ANKRD28: variants seen among roughly 807,000 people sequenced by gnomAD.
ANKRD28 encodes ankyrin repeat domain 28.
ANKRD28 carries 44 observed loss-of-function variants against 126.5 expected under a neutral mutation model. The observed-to-expected ratio is 0.35, with a 90% CI of 0.27 to 0.45. The LOEUF is 0.45. Ranked by LOEUF, ANKRD28 falls within the 20% of genes least tolerant of loss-of-function variation. The probability of loss-of-function intolerance (pLI) is 1.00; values close to 1 mark genes in which losing one functional copy is unlikely to be tolerated. For synonymous variants in ANKRD28, 442 were observed against 468.5 expected, an observed-to-expected ratio of 0.94 and a Z score of 0.73; for missense variants, 1,110 against 1,316.6, an observed-to-expected ratio of 0.84 and a Z score of 2.43.
At chr3:15,792,192 C>T (rs1273585868) in intron 2 of ANKRD28, among the ~76,000 whole-genome samples, 6 of 152,106 alleles carry the variant, frequency 3.9e-5, no homozygotes, top group Non-Finnish European at 8.8e-5. Context: ...ATAGAGCTAC[C>T]ATATGATCGA....
chr3:15,695,730 T>C (rs1441006680), intron 15 of ANKRD28, among the ~76,000 whole-genome samples: 3 of 152,084 alleles, frequency 2.0e-5, no homozygotes, highest in African/African-American at 4.8e-5. Context: ...GAGTCTCCCT[T>C]GTTAGGAGGG....
At chr3:15,731,302 A>T (rs2074577008) in intron 6 of ANKRD28, among the ~76,000 whole-genome samples, 1 of 149,610 alleles carries the variant, frequency 6.7e-6, no homozygotes, top group South Asian at 2.1e-4. Flanking sequence ...CTTCAGTTGT[A>T]TGAAAACAGT....
intron 24 of ANKRD28, 93 bp downstream of exon 24, chr3:15,678,116 G>A: frequency 1.6e-6 from 2 of 1,250,716 alleles, no homozygotes; most frequent in South Asian, 1.6e-5. Flanking sequence ...GGAGTGGTAA[G>A]ATAACTAGTT....
chr3:15,667,258 TTTC>T lies in ANKRD28; in HGVS notation c.*3009_*3011del, dbSNP rs1402822260. The T allele has an allele frequency of 6.6e-6, 1 of 152,252 alleles. No individual in the cohort carries two copies. The highest frequency in any genetic ancestry group is 2.4e-5 in the African/African-American group (1 of 41,468). 9.4% of individuals were successfully genotyped at this position (152,252 alleles called of 1,614,324 possible). On this transcript the variant is annotated 3_prime_UTR_variant, in exon 28 of 28. Coordinates refer to ENST00000683139, the MANE Select transcript of ANKRD28 (RefSeq NM_001349278.2). Reference sequence around the variant, plus strand: ...TGATTTATTGCATTAAAAAACTTTATTTCTTTTAAAAGGTCCAATATAAGCCAA... The same window carrying T: ...TGATTTATTGCATTAAAAAACTTTATTTTTAAAAGGTCCAATATAAGCCAA...
At chr3:15,806,149 G>A (rs1405504609) in intron 1 of ANKRD28, among the ~76,000 whole-genome samples, 3 of 152,128 alleles carry the variant, frequency 2.0e-5, no homozygotes, top group Non-Finnish European at 4.4e-5. Flanking sequence ...CTCAGGTGTG[G>A]AGTTTCTTTT....
intron 1 of ANKRD28, among the ~76,000 whole-genome samples, chr3:15,822,167 T>G (rs2060956751): frequency 6.6e-6 from 1 of 152,242 alleles, no homozygotes; most frequent in South Asian, 2.1e-4. Flanking sequence ...CTGGCTGACC[T>G]TTCAGCTCTG....
At chr3:15,858,667 ATGTT>A (rs995366808) in intron 1 of ANKRD28, among the ~76,000 whole-genome samples, 12 of 152,148 alleles carry the variant, frequency 7.9e-5, no homozygotes, top group African/African-American at 2.9e-4. Flanking sequence ...GAGGGGGAAA[ATGTT>A]TGGCAGCGTC....
At chr3:15,810,224 G>C (rs2060683547) in intron 1 of ANKRD28, among the ~76,000 whole-genome samples, 1 of 151,884 alleles carries the variant, frequency 6.6e-6, no homozygotes, top group Non-Finnish European at 1.5e-5. Context: ...GTTTAAACCA[G>C]AGGCCATGTA....
At chr3:15,679,213 T>C (rs888631084) in intron 23 of ANKRD28, 88 bp downstream of exon 23, 15 of 1,278,438 alleles carry the variant, frequency 1.2e-5, no homozygotes, top group Middle Eastern at 1.9e-4. Context: ...CAAGTCATCC[T>C]CCCACTTCAG....
intron 21 of ANKRD28, 184 bp downstream of exon 21, chr3:15,685,042 G>T: frequency 1.6e-6 from 1 of 606,966 alleles, no homozygotes; most frequent in Non-Finnish European, 2.9e-6. Context: ...CTAGTGTCTT[G>T]GCTTTAGCAT....
intron 1 of ANKRD28, among the ~76,000 whole-genome samples, chr3:15,834,261 T>C (rs749291855): frequency 1.6e-4 from 25 of 152,200 alleles, no homozygotes; most frequent in Non-Finnish European, 2.4e-4. Context: ...TGGGTCCAGT[T>C]TCATTCTTCT....
chr3:15,851,418 C>A (rs111446260), intron 1 of ANKRD28, among the ~76,000 whole-genome samples: 7,341 of 152,042 alleles, frequency 0.048, 595 homozygotes, highest in African/African-American at 0.17. Flanking sequence ...GTGGCATGTA[C>A]CTGTACTCCC....
At chr3:15,844,501 A>G (rs1485392384) in intron 1 of ANKRD28, among the ~76,000 whole-genome samples, 2 of 152,220 alleles carry the variant, frequency 1.3e-5, no homozygotes, top group Non-Finnish European at 2.9e-5. Context: ...AGGAGGTAAC[A>G]GAACAAGAAG....
chr3:15,787,695 T>A (rs1305183825), intron 2 of ANKRD28, among the ~76,000 whole-genome samples: 1 of 152,120 alleles, frequency 6.6e-6, no homozygotes, highest in Non-Finnish European at 1.5e-5. Context: ...CTCAGAAACA[T>A]CAACAGCTTG....
intron 20 of ANKRD28, among the ~76,000 whole-genome samples, 178 bp from the exon 21 acceptor site, chr3:15,685,623 A>C (rs963836251): frequency 2.0e-5 from 3 of 152,262 alleles, no homozygotes; most frequent in Non-Finnish European, 4.4e-5. Flanking sequence ...ATTCAGTTAA[A>C]GCAAGAACCC....
intron 18 of ANKRD28, 145 bp downstream of exon 18, chr3:15,689,874 G>C: frequency 1.5e-6 from 1 of 670,848 alleles, no homozygotes; most frequent in East Asian, 2.8e-5. Flanking sequence ...AAAGTTATTT[G>C]GTGAGGTCAA....
At chr3:15,793,045 A>C (rs1029085429) in intron 2 of ANKRD28, among the ~76,000 whole-genome samples, 8 of 152,296 alleles carry the variant, frequency 5.3e-5, no homozygotes, top group Admixed American at 2.0e-4. Context: ...GAATAAAAAC[A>C]ACTTCAAAAA....
chr3:15,804,045 C>T (rs1357338067), intron 1 of ANKRD28, among the ~76,000 whole-genome samples: 3 of 145,250 alleles, frequency 2.1e-5, no homozygotes, highest in Non-Finnish European at 4.5e-5. Flanking sequence ...GAATACCTTA[C>T]TTTTTAAAAC....
chr3:15,798,652 A>G (rs1043026106), upstream of ANKRD28, among the ~76,000 whole-genome samples: 33 of 152,270 alleles, frequency 2.2e-4, no homozygotes, highest in Admixed American at 8.5e-4. Flanking sequence ...ACATGAAAAA[A>G]AAAATGTCCT....
Sources: gnomAD v4.1 joint callset for allele counts (sites outside exome capture counted in the v4.1 genomes callset) on GRCh38, gnomAD v4.1.1 for gene constraint, MANE v1.5 for transcripts, NCBI Gene and HGNC (gene_info 2026-07-23, HGNC 2026-07-21) for gene names.